The following MAP3K20 variants were observed in gnomAD, a reference collection of about 807,000 sequenced individuals.
MAP3K20 encodes mitogen-activated protein kinase kinase kinase 20, also known as HCCS-4.
In MAP3K20, 40 loss-of-function variants were observed where a neutral mutation model predicts 85.7. The ratio of observed to expected loss-of-function variants is 0.47; its 90% CI spans 0.36 to 0.61. MAP3K20 has a LOEUF of 0.61. Ranked by LOEUF, MAP3K20 falls within the 20% of genes least tolerant of loss-of-function variation. The pLI, the probability that MAP3K20 is intolerant of heterozygous loss-of-function variation, is 0.00. For synonymous variants in MAP3K20, 325 were observed against 327.7 expected, an observed-to-expected ratio of 0.99 and a Z score of 0.09; for missense variants, 817 against 961.7, an observed-to-expected ratio of 0.85 and a Z score of 1.99.
At chr2:173,169,656 G>A (rs1335795202) in intron 2 of MAP3K20, 149 bp from the exon 3 acceptor site, 2 of 676,522 alleles carry the variant, frequency 3.0e-6, no homozygotes, top group South Asian at 2.0e-5. Flanking sequence ...GGAGGCCAAG[G>A]CTGCAGTGAG....
intron 18 of MAP3K20, 58 bp downstream of exon 18, chr2:173,261,195 A>G (rs1685284117): frequency 6.4e-6 from 10 of 1,552,682 alleles, no homozygotes; most frequent in Non-Finnish European, 8.9e-6. Flanking sequence ...ATATAAATTT[A>G]TCTGTTATCT....
In MAP3K20 at chr2:173,198,628, A is replaced by T. The variant is rs1690928923; in HGVS notation, c.669+516A>T. ...AAAAGGGAAAAATTACAGTTTTGCCACCTACGTTGAACACTACATTGAAGA... is the reference window on the plus strand; with the variant it reads ...AAAAGGGAAAAATTACAGTTTTGCCTCCTACGTTGAACACTACATTGAAGA... On this transcript the variant is annotated intron_variant, in intron 8 of 19. Transcript: ENST00000375213. The surrounding 1 kb of genome is among the most constrained non-coding windows in gnomAD (Gnocchi z 5.8). 1 of 152,760 alleles carries T rather than the reference A, an allele frequency of 6.5e-6. No homozygotes were observed. The allele number at this position is 152,760 out of a possible 1,614,324, so 9.5% of individuals were successfully genotyped here. A position where few individuals can be genotyped will look rare whatever the true frequency, so the allele number is the denominator to read the frequency against.
intron 19 of MAP3K20, 25 bp from the exon 20 acceptor site, chr2:173,266,025 A>G (rs1451669346): frequency 1.9e-6 from 3 of 1,541,714 alleles, no homozygotes; most frequent in Non-Finnish European, 1.8e-6. Context: ...GGCTTAAAAG[A>G]TGCTCATTTC....
chr2:173,238,858 A>C (rs1424321605), intron 15 of MAP3K20, among the ~76,000 whole-genome samples: 2 of 152,220 alleles, frequency 1.3e-5, no homozygotes, highest in Non-Finnish European at 2.9e-5. Context: ...TTTTGAATCT[A>C]GTTTAAAGGA....
chr2:173,124,736 A>G (rs1331354166), intron 2 of MAP3K20, among the ~76,000 whole-genome samples: 1 of 152,236 alleles, frequency 6.6e-6, no homozygotes, highest in Non-Finnish European at 1.5e-5. Context: ...GCTGGCAGCC[A>G]GACTGTCAAG....
At position 173,267,566 on chromosome 2, in the gene MAP3K20, CAA is replaced by C. The variant is rs1574174937; in HGVS notation, c.*818_*819del. ...TCATTCATTACGATTTATCAGAAACCAAAGATTTAAATTGCCTAGATTTGTGG... is the reference window on the plus strand; with the variant it reads ...TCATTCATTACGATTTATCAGAAACCAGATTTAAATTGCCTAGATTTGTGG... On this transcript the variant is annotated 3_prime_UTR_variant, in exon 20 of 20. Coordinates refer to ENST00000375213, the MANE Select transcript of MAP3K20 (RefSeq NM_016653.3). The C allele has an allele frequency of 6.6e-6, 1 of 152,064 alleles. No individual in the cohort carries two copies. The highest frequency in any genetic ancestry group is 2.4e-5 in the African/African-American group (1 of 41,398). The allele number at this position is 152,064 out of a possible 1,614,324, so 9.4% of individuals were successfully genotyped here. A position where few individuals can be genotyped will look rare whatever the true frequency, so the allele number is the denominator to read the frequency against.
intron 2 of MAP3K20, among the ~76,000 whole-genome samples, chr2:173,115,510 T>C (rs1421363179): frequency 6.6e-6 from 1 of 152,012 alleles, no homozygotes; most frequent in African/African-American, 2.4e-5. Context: ...ATTACCAGAG[T>C]TGGGTTTCTG....
chr2:173,183,048 C>G, intron 4 of MAP3K20, 93 bp downstream of exon 4: 1 of 982,278 alleles, frequency 1.0e-6, no homozygotes, highest in Non-Finnish European at 1.5e-6. Flanking sequence ...TTTATTCTGT[C>G]TTTAGATGTT....
chr2:173,181,070 G>T (rs1231382022), intron 3 of MAP3K20, among the ~76,000 whole-genome samples: 1 of 152,100 alleles, frequency 6.6e-6, no homozygotes, highest in African/African-American at 2.4e-5. Flanking sequence ...GTGGACAAAA[G>T]ATTTGAATAG....
rs530129498 is a variant in MAP3K20, at chr2:173,217,325, C to T, written c.987+75C>T. ...GCAGCTGAGCATGGCAGCATGGCAC[C>T]TCTTCCCCTGCCTCCCGCCGCCCCC... On this transcript the variant is annotated intron_variant, in intron 11 of 19. Transcript: ENST00000375213. 17 of 1,346,170 alleles carry T rather than the reference C, an allele frequency of 1.3e-5. No homozygotes were observed. In the South Asian group the frequency reaches 2.8e-4, roughly 22 times the overall value. 83.4% of individuals were successfully genotyped at this position (1,346,170 alleles called of 1,614,324 possible).
chr2:173,133,626 A>C (rs1688678014), intron 2 of MAP3K20, among the ~76,000 whole-genome samples: 1 of 152,190 alleles, frequency 6.6e-6, no homozygotes, highest in Non-Finnish European at 1.5e-5. Context: ...GCTGTGCTTC[A>C]AAATGACGTG....
intron 3 of MAP3K20, among the ~76,000 whole-genome samples, chr2:173,181,143 T>A (rs1359169194): frequency 6.6e-6 from 1 of 152,194 alleles, no homozygotes; most frequent in Non-Finnish European, 1.5e-5. Flanking sequence ...CCAACTTTGT[T>A]AGTCACTAGG....
intron 11 of MAP3K20, among the ~76,000 whole-genome samples, chr2:173,219,830 A>C (rs967335761): frequency 2.0e-5 from 3 of 152,106 alleles, no homozygotes; most frequent in African/African-American, 7.2e-5. Flanking sequence ...GCACTTTGGG[A>C]GGCTGAGGGG....
intron 2 of MAP3K20, among the ~76,000 whole-genome samples, chr2:173,111,020 C>A (rs371615262): frequency 6.6e-6 from 1 of 152,156 alleles, no homozygotes; most frequent in Admixed American, 6.5e-5. Flanking sequence ...TCTTCCATAG[C>A]GGCTGTACTA....
At chr2:173,107,622 A>G (rs1444987556) in intron 2 of MAP3K20, among the ~76,000 whole-genome samples, 1 of 152,214 alleles carries the variant, frequency 6.6e-6, no homozygotes, top group African/African-American at 2.4e-5. Context: ...AGGAAGCAAT[A>G]TGGCTTCGTG....
At chr2:173,179,381 G>T (rs1690256974) in intron 3 of MAP3K20, among the ~76,000 whole-genome samples, 1 of 122,898 alleles carries the variant, frequency 8.1e-6, no homozygotes, top group Non-Finnish European at 1.7e-5. Flanking sequence ...GACAGAGTGA[G>T]ACTCCATCTC....
At chr2:173,215,143 T>C (rs989766353) in intron 10 of MAP3K20, among the ~76,000 whole-genome samples, 1 of 152,220 alleles carries the variant, frequency 6.6e-6, no homozygotes, top group Non-Finnish European at 1.5e-5. Flanking sequence ...AAATAGAATG[T>C]AGTGGCCATT....
At chr2:173,251,410 A>AATGT (rs1685039648) in intron 16 of MAP3K20, among the ~76,000 whole-genome samples, 1 of 152,166 alleles carries the variant, frequency 6.6e-6, no homozygotes, top group Non-Finnish European at 1.5e-5. Flanking sequence ...CTTATCCTAC[A>AATGT]AAGCCAAATG....
intron 18 of MAP3K20, 146 bp from the exon 19 acceptor site, chr2:173,263,599 T>TCA (rs1685345651): frequency 1.3e-6 from 1 of 754,262 alleles, no homozygotes; most frequent in Non-Finnish European, 2.1e-6. Flanking sequence ...ATTTTCCTAG[T>TCA]GCATTATGAT....
Sources: gnomAD v4.1 joint callset for allele counts (sites outside exome capture counted in the v4.1 genomes callset) on GRCh38, gnomAD v4.1.1 for gene constraint, Gnocchi (gnomAD v3.1) non-coding constraint, MANE v1.5 for transcripts, NCBI Gene and HGNC (gene_info 2026-07-23, HGNC 2026-07-21) for gene names.